Variants in DNM2 observed in about 807,000 individuals in gnomAD.
DNM2 encodes dynamin 2.
Under a neutral mutation model 99.0 loss-of-function variants are expected in DNM2, and 15 were observed. That is an observed-to-expected ratio of 0.15 (90% CI 0.10 to 0.23). The LOEUF (loss-of-function observed/expected upper bound fraction) is 0.23. Ranked by LOEUF, DNM2 falls within the 10% of genes least tolerant of loss-of-function variation. The probability of loss-of-function intolerance (pLI) is 1.00; values close to 1 mark genes in which losing one functional copy is unlikely to be tolerated. For missense variants in DNM2, 742 were observed against 1,189.4 expected (o/e 0.62, Z 5.53); for synonymous variants, 525 against 481.2 (o/e 1.09, Z -1.19).
intron 12 of DNM2, among the ~76,000 whole-genome samples, chr19:10,803,385 C>T (rs1304582197): frequency 6.6e-6 from 1 of 152,194 alleles, no homozygotes; most frequent in Non-Finnish European, 1.5e-5. Flanking sequence ...CTCATCAGAA[C>T]CCCTCCTAGA....
chr19:10,795,341 C>G lies in DNM2; in HGVS notation c.1129-31C>G. Reference sequence around the variant, plus strand: ...TGCCACGGGGGCGCCCCGGGTGCCTCCATGCATGTGCTTGGTTTGTCTCTT... The same window carrying G: ...TGCCACGGGGGCGCCCCGGGTGCCTGCATGCATGTGCTTGGTTTGTCTCTT... On this transcript the variant is annotated intron_variant, in intron 8 of 20. Coordinates refer to ENST00000389253, the MANE Select transcript of DNM2 (RefSeq NM_001005361.3). The surrounding 1 kb of genome is among the most constrained non-coding windows in gnomAD (Gnocchi z 4.2). 2.5e-6 allele frequency: 4 copies of G among 1,613,856 alleles called. No homozygotes were observed. Among genetic ancestry groups the G allele is most frequent in the Non-Finnish European group, 3.4e-6 (4 of 1,179,826 alleles).
rs778968915 is a variant in DNM2, at chr19:10,812,418, G to T, written c.1671+41G>T. The T allele has an allele frequency of 3.8e-5, 58 of 1,545,116 alleles. No individual in the cohort carries two copies. The highest frequency in any genetic ancestry group is 3.4e-4 in the Middle Eastern group (2 of 5,854). Reference sequence around the variant, plus strand: ...GAGCAGGGCTGCTGGGGTAGGTGGGGCAGCCAGGGAAGAGCGGGTGGGCGC... The same window carrying T: ...GAGCAGGGCTGCTGGGGTAGGTGGGTCAGCCAGGGAAGAGCGGGTGGGCGC... On this transcript the variant is annotated intron_variant, in intron 15 of 20. Coordinates refer to ENST00000389253, the MANE Select transcript of DNM2 (RefSeq NM_001005361.3). The surrounding 1 kb of genome is among the most constrained non-coding windows in gnomAD (Gnocchi z 4.0).
intron 1 of DNM2, among the ~76,000 whole-genome samples, chr19:10,732,546 G>C (rs1485469059): frequency 6.6e-6 from 1 of 151,802 alleles, no homozygotes; most frequent in East Asian, 2.0e-4. Context: ...CTTGCAGTGA[G>C]CCGAGATCGC....
chr19:10,824,237 C>T (rs554316814), intron 17 of DNM2: 8 of 353,460 alleles, frequency 2.3e-5, no homozygotes, highest in East Asian at 1.4e-4. Flanking sequence ...GTGGGTGGTT[C>T]GCCCCTGTAA....
intron 1 of DNM2, among the ~76,000 whole-genome samples, chr19:10,724,322 C>T (rs939120764): frequency 1.1e-4 from 17 of 152,104 alleles, no homozygotes; most frequent in African/African-American, 7.2e-5. Flanking sequence ...GGATTACAGG[C>T]GCCTGCCACC....
At chr19:10,741,230 C>A (rs2069734760) in intron 1 of DNM2, among the ~76,000 whole-genome samples, 1 of 151,978 alleles carries the variant, frequency 6.6e-6, no homozygotes, top group African/African-American at 2.4e-5. Context: ...TTCTTTCTTT[C>A]TTTTTTCTTT....
intron 6 of DNM2, 54 bp from the exon 7 acceptor site, chr19:10,786,509 CT>C: frequency 6.2e-7 from 1 of 1,611,968 alleles, no homozygotes; most frequent in Non-Finnish European, 8.5e-7. Flanking sequence ...GTGTCTGCCA[CT>C]CCCTGGTATC....
At position 10,795,323 on chromosome 19, in the gene DNM2, G is replaced by C; in HGVS notation, c.1129-49G>C. 2 of 1,605,578 alleles carry C rather than the reference G, an allele frequency of 1.2e-6. No homozygotes were observed. The highest frequency in any genetic ancestry group is 1.7e-6 in the Non-Finnish European group (2 of 1,172,556). On this transcript the variant is annotated intron_variant, in intron 8 of 20. Transcript: ENST00000389253. This position sits in a 1 kb window ranked among gnomAD's most constrained non-coding sequence, Gnocchi z 4.2. ...GTTCCCCAGATGCACGCCTGCCACG[G>C]GGGCGCCCCGGGTGCCTCCATGCAT...
Position 10,820,242 on chromosome 19 carries a change from C to T in DNM2, c.1781+153C>T, listed in dbSNP as rs1599620853. On this transcript the variant is annotated intron_variant, in intron 16 of 20. Coordinates refer to ENST00000389253, the MANE Select transcript of DNM2 (RefSeq NM_001005361.3). The surrounding 1 kb of genome is among the most constrained non-coding windows in gnomAD (Gnocchi z 4.3). ...GAAAGGGGAGTCACGTGAGAAATAG[C>T]AAATGCCAGGGATGCTTCCCGTGCT... Among the ~76,000 whole-genome samples the T allele has an allele frequency of 6.6e-6, 1 of 152,210 alleles. No homozygotes were observed. The highest frequency in any genetic ancestry group is 2.1e-4 in the South Asian group (1 of 4,838).
At chr19:10,748,627 G>A in intron 1 of DNM2, among the ~76,000 whole-genome samples, 1 of 152,186 alleles carries the variant, frequency 6.6e-6, no homozygotes. Flanking sequence ...CCCTGAGGTG[G>A]GTGCGGGTGA....
Position 10,829,124 on chromosome 19 carries a change from C to T in DNM2, c.2147C>T (p.Ala716Val), listed in dbSNP as rs767679760. Residue 716 changes from alanine to valine, a missense_variant, in exon 19 of 21, where the codon GCA becomes GTA. By Grantham distance (64) the Ala-to-Val change is moderately conservative (BLOSUM62 0). Coordinates refer to ENST00000389253, the MANE Select transcript of DNM2 (RefSeq NM_001005361.3). ...CTCATGGAGGAGTCGGCTGACCAGG[C>T]ACAGCGGCGGGACGACATGCTGCGC... is the stretch of plus-strand genomic sequence containing the variant. ...SSLMEESADQAQRRDDMLRMY... is the reference protein window; with the variant it reads ...SSLMEESADQVQRRDDMLRMY... 13 of 1,613,968 alleles carry T rather than the reference C, an allele frequency of 8.1e-6. No homozygotes were observed. The East Asian group carries it at 2.9e-4, about 36-fold the overall frequency.
At chr19:10,767,810 G>A (rs2070847608) in intron 2 of DNM2, among the ~76,000 whole-genome samples, 1 of 152,192 alleles carries the variant, frequency 6.6e-6, no homozygotes, top group African/African-American at 2.4e-5. Context: ...GGAGGCCGAA[G>A]TATGAGAATA....
At chr19:10,731,574 G>A (rs939953548) in intron 1 of DNM2, among the ~76,000 whole-genome samples, 9 of 152,068 alleles carry the variant, frequency 5.9e-5, no homozygotes, top group African/African-American at 1.7e-4. Context: ...GGCTGGTCTC[G>A]AACTCCTGGC....
chr19:10,760,407 C>T (rs574109634), intron 2 of DNM2, among the ~76,000 whole-genome samples: 7 of 152,144 alleles, frequency 4.6e-5, no homozygotes, highest in East Asian at 3.9e-4. Flanking sequence ...CAGTAGCAGA[C>T]GTGGTGACAC....
intron 7 of DNM2, among the ~76,000 whole-genome samples, chr19:10,791,560 A>G (rs1400962495): frequency 7.4e-6 from 1 of 134,738 alleles, no homozygotes; most frequent in Non-Finnish European, 1.5e-5. Flanking sequence ...GCCGGTCACA[A>G]TTGTCCAGAA....
At position 10,798,551 on chromosome 19, in the gene DNM2, G is replaced by T; in HGVS notation, c.1401G>T (p.Arg467=). Residue 467 remains arginine (R), a synonymous_variant, in exon 11 of 21, where the codon CGG becomes CGT. Transcript: ENST00000389253. ...ERIVTTYIRE[R]EGRTKDQILL... ...TCGTCACCACTTACATCCGGGAACGGGAGGGGAGAACGAAGGACCAGGTAC... is the reference window on the plus strand; with the variant it reads ...TCGTCACCACTTACATCCGGGAACGTGAGGGGAGAACGAAGGACCAGGTAC... 4 of 1,614,226 alleles carry T rather than the reference G, an allele frequency of 2.5e-6. No individual in the cohort carries two copies. The highest frequency in any genetic ancestry group is 2.5e-6 in the Non-Finnish European group (3 of 1,180,046).
At chr19:10,769,970 C>A (rs1389254408) in intron 2 of DNM2, among the ~76,000 whole-genome samples, 1 of 152,236 alleles carries the variant, frequency 6.6e-6, no homozygotes, top group Non-Finnish European at 1.5e-5. Context: ...TTTCTGAGTT[C>A]CAAGTCCCAG....
intron 2 of DNM2, among the ~76,000 whole-genome samples, chr19:10,766,894 G>A (rs555781452): frequency 1.3e-5 from 2 of 152,274 alleles, no homozygotes; most frequent in African/African-American, 2.4e-5. Context: ...TGCCAGCTGC[G>A]AACCTCTCTG....
chr19:10,783,049 C>G lies in DNM2; in HGVS notation c.778C>G (p.Leu260Val), dbSNP rs145607989. The G allele has an allele frequency of 1.4e-5, 22 of 1,613,846 alleles. No individual in the cohort carries two copies. In the Middle Eastern group the frequency reaches 4.9e-4, roughly 36 times the overall value. ...AALAAERKFF[L>V]SHPAYRHMAD... is the part of the protein sequence containing the mutation. ...ACTGGCAGCTGAGAGGAAGTTCTTC[C>G]TCTCCCACCCGGCCTACCGGCACAT... Residue 260 changes from leucine to valine, a missense_variant, in exon 6 of 21, where the codon CTC (leucine) becomes GTC (valine). By Grantham distance (32) the Leu-to-Val change is conservative. Around this residue, in one of 7 missense-constraint regions of DNM2, gnomAD observed 192 missense variants for 358.9 expected, o/e 0.54. Transcript: ENST00000389253.
Sources: gnomAD v4.1 joint callset for allele counts (sites outside exome capture counted in the v4.1 genomes callset) on GRCh38, gnomAD v4.1.1 for gene constraint, gnomAD v4.1.1 regional missense constraint, Gnocchi (gnomAD v3.1) non-coding constraint, MANE v1.5 for transcripts, NCBI Gene and HGNC (gene_info 2026-07-23, HGNC 2026-07-21) for gene names.